JAK1: variants seen among roughly 807,000 people sequenced by gnomAD.
The protein encoded by JAK1 is tyrosine-protein kinase JAK1.
In JAK1, 16 loss-of-function variants were observed where a neutral mutation model predicts 136.6. That is an observed-to-expected ratio of 0.12 (90% CI 0.08 to 0.18). JAK1 has a LOEUF of 0.18. JAK1 is among the 10% of genes least tolerant of loss of function. JAK1 has a pLI of 1.00. For missense variants in JAK1, 859 were observed against 1,450.1 expected (o/e 0.59, Z 6.62); for synonymous variants, 492 against 519.5 (o/e 0.95, Z 0.72).
intron 2 of JAK1, chr1:64,992,167 G>C (rs1411222038): frequency 6.6e-6 from 1 of 151,860 alleles, no homozygotes; most frequent in Admixed American, 6.6e-5. Flanking sequence ...ATCCCCTGAG[G>C]TCAGGAGTTC....
At chr1:65,034,667 C>T (rs940133199) in intron 2 of JAK1, among the ~76,000 whole-genome samples, 5 of 152,156 alleles carry the variant, frequency 3.3e-5, no homozygotes, top group Non-Finnish European at 7.4e-5. Context: ...GCCAATCAGA[C>T]AAAATATGTT....
rs189419982 is a variant in JAK1, at chr1:65,033,796, T to A, written c.-78+10684A>T. Among the ~76,000 whole-genome samples the A allele has an allele frequency of 3.1e-3, 469 of 149,710 alleles. 6 individuals carry two copies. Among genetic ancestry groups the A allele is most frequent in the African/African-American group, 0.011 (455 of 40,408 alleles). On this transcript the variant is annotated intron_variant, in intron 2 of 25. Transcript: ENST00000671954. ...TAAGAGAAAGTATAGGTAGACAGAG[T>A]AAGAGCTTTAGAATCCATCACTCCT...
chr1:64,993,399 G>A (rs944418526), intron 2 of JAK1: 2 of 152,104 alleles, frequency 1.3e-5, no homozygotes, highest in Non-Finnish European at 2.9e-5. Flanking sequence ...ATATGAATGA[G>A]AGAAGGTATG....
intron 1 of JAK1, among the ~76,000 whole-genome samples, chr1:65,053,948 G>C (rs1497058): frequency 0.75 from 114,478 of 152,144 alleles, 43,800 homozygotes; most frequent in Non-Finnish European, 0.82. Flanking sequence ...AAGAACAACA[G>C]CTAGCTGTCT....
intron 1 of JAK1, among the ~76,000 whole-genome samples, chr1:64,921,498 AGAG>A (rs1283802730): frequency 3.3e-5 from 5 of 152,044 alleles, no homozygotes; most frequent in Admixed American, 2.6e-4. Flanking sequence ...GTGACCTACT[AGAG>A]TATATAGTAG....
intron 15 of JAK1, among the ~76,000 whole-genome samples, chr1:64,845,116 C>T (rs991216398): frequency 6.6e-6 from 1 of 152,134 alleles, no homozygotes; most frequent in Non-Finnish European, 1.5e-5. Context: ...CATTGGGCTT[C>T]GTGAGCATGA....
At chr1:64,980,471 C>G (rs1308409418) in intron 2 of JAK1, among the ~76,000 whole-genome samples, 1 of 151,178 alleles carries the variant, frequency 6.6e-6, no homozygotes, top group African/African-American at 2.4e-5. Context: ...TTGCAGATTG[C>G]CCCCCAAAAT....
rs2100654512 is a variant in JAK1, at chr1:64,966,367, G to T, written c.-112C>A. 1 of 151,366 alleles carries T rather than the reference G, an allele frequency of 6.6e-6. No individual in the cohort carries two copies. Among genetic ancestry groups the T allele is most frequent in the African/African-American group, 2.4e-5 (1 of 41,420 alleles). The allele number at this position is 151,366 out of a possible 1,614,324, so 9.4% of individuals were successfully genotyped here. On this transcript the variant is annotated 5_prime_UTR_variant, in exon 1 of 25. Transcript: ENST00000342505. ...GTGCGCCTGGGCCAGGCAGCGCCCCGTCGCTGCGCTGGCTGGGGTCGACCG... is the reference window on the plus strand; with the variant it reads ...GTGCGCCTGGGCCAGGCAGCGCCCCTTCGCTGCGCTGGCTGGGGTCGACCG...
intron 1 of JAK1, among the ~76,000 whole-genome samples, chr1:64,902,178 A>G (rs1438300470): frequency 6.6e-6 from 1 of 152,220 alleles, no homozygotes; most frequent in Non-Finnish European, 1.5e-5. Context: ...GCTCAAAGAC[A>G]TTACATAATT....
chr1:64,993,577 T>A (rs1169267554), intron 2 of JAK1: 1 of 152,224 alleles, frequency 6.6e-6, no homozygotes, highest in African/African-American at 2.4e-5. Context: ...TACAGTCCTG[T>A]AATCCTTGAT....
chr1:64,859,821 C>T, intron 9 of JAK1: 1 of 226,078 alleles, frequency 4.4e-6, no homozygotes, highest in Admixed American at 5.7e-5. Flanking sequence ...AGCAAGAAAT[C>T]AGAAAGTGTA....
chr1:64,852,849 C>A (rs1655686252), intron 11 of JAK1, among the ~76,000 whole-genome samples: 1 of 152,190 alleles, frequency 6.6e-6, no homozygotes, highest in Admixed American at 6.5e-5. Flanking sequence ...CGCTCCCTGA[C>A]TGGTTGCCGC....
chr1:64,913,703 A>AAGGAAAGAAG (rs1306900538), intron 1 of JAK1, among the ~76,000 whole-genome samples: 4 of 13,688 alleles, frequency 2.9e-4, no homozygotes, highest in African/African-American at 4.7e-4. Context: ...AAGGAAGGAA[A>AAGGAAAGAAG]GAAGGGAGGG....
At chr1:65,039,943 A>G (rs190170281) in intron 2 of JAK1, among the ~76,000 whole-genome samples, 6 of 152,254 alleles carry the variant, frequency 3.9e-5, no homozygotes, top group Non-Finnish European at 7.4e-5. Flanking sequence ...GAAGAGGCAC[A>G]GTGGCTTACA....
At chr1:64,990,738 A>G (rs1016258878) in intron 2 of JAK1, 1 of 152,040 alleles carries the variant, frequency 6.6e-6, no homozygotes, top group African/African-American at 2.4e-5. Context: ...CCTGGGCAAC[A>G]TGGTAAAACC....
At position 65,020,931 on chromosome 1, in the gene JAK1, C is replaced by A. The variant is rs116141746; in HGVS notation, c.-78+23549G>T. Among the ~76,000 whole-genome samples, 1,460 of 152,246 alleles carry A rather than the reference C, an allele frequency of 9.6e-3. 15 individuals are homozygous for A. Among genetic ancestry groups the A allele is most frequent in the African/African-American group, 0.033 (1,382 of 41,550 alleles). On this transcript the variant is annotated intron_variant, in intron 2 of 25. Coordinates refer to the JAK1 transcript ENST00000671954. ...CCTTTATTAGAACCAGGAGATAGAG[C>A]TATGTGGAGAGAGCTACTCAACTTG...
At chr1:64,945,922 G>A (rs1339037541) in intron 1 of JAK1, among the ~76,000 whole-genome samples, 1 of 152,000 alleles carries the variant, frequency 6.6e-6, no homozygotes, top group East Asian at 1.9e-4. Context: ...ATTTTTAGTA[G>A]GGATAAGGTT....
intron 1 of JAK1, among the ~76,000 whole-genome samples, chr1:64,891,143 A>C (rs966812511): frequency 1.5e-5 from 2 of 129,552 alleles, no homozygotes; most frequent in Non-Finnish European, 3.7e-5. Flanking sequence ...CCAGTCAAGG[A>C]AAAAAAAAAC....
At chr1:64,994,584 T>C (rs887449723) in intron 2 of JAK1, among the ~76,000 whole-genome samples, 1 of 152,148 alleles carries the variant, frequency 6.6e-6, no homozygotes, top group African/African-American at 2.4e-5. Flanking sequence ...AGTATTAATC[T>C]ATTCTTGAGG....
Sources: gnomAD v4.1 joint callset for allele counts (sites outside exome capture counted in the v4.1 genomes callset) on GRCh38, gnomAD v4.1.1 for gene constraint, MANE v1.5 for transcripts, NCBI Gene and HGNC (gene_info 2026-07-23, HGNC 2026-07-21) for gene names.